Variants in VAV2 observed in about 807,000 individuals in gnomAD.
The protein encoded by VAV2 is guanine nucleotide exchange factor VAV2.
In VAV2, 67 loss-of-function variants were observed where a neutral mutation model predicts 132.5. The ratio of observed to expected loss-of-function variants is 0.51; its 90% CI spans 0.42 to 0.62. VAV2 has a LOEUF of 0.62. Among genes scored for constraint, VAV2 ranks in the 20% least tolerant of loss-of-function variants. The pLI, the probability that VAV2 is intolerant of heterozygous loss-of-function variation, is 0.00. For synonymous variants in VAV2, 492 were observed against 443.5 expected, an observed-to-expected ratio of 1.11 and a Z score of -1.37; for missense variants, 938 against 1,153.6, an observed-to-expected ratio of 0.81 and a Z score of 2.71.
At chr9:133,986,768 G>A (rs1047850948) in intron 1 of VAV2, among the ~76,000 whole-genome samples, 2 of 151,964 alleles carry the variant, frequency 1.3e-5, no homozygotes, top group African/African-American at 4.8e-5. Context: ...CTCTGCTCCC[G>A]GCAGCCCTGT....
chr9:133,944,959 G>A (rs568614226), intron 1 of VAV2, among the ~76,000 whole-genome samples: 10 of 152,336 alleles, frequency 6.6e-5, no homozygotes, highest in South Asian at 6.2e-4. Context: ...TACGCGTCTC[G>A]GTGCGCTGAC....
intron 9 of VAV2, among the ~76,000 whole-genome samples, chr9:133,801,342 G>A (rs990155467): frequency 1.3e-5 from 2 of 152,332 alleles, no homozygotes; most frequent in South Asian, 2.1e-4. Context: ...GTCACCACAG[G>A]GGCCCTGAGG....
rs1240108705 is a variant in VAV2 at position 133,802,982 on chromosome 9, C to T, written c.836+3099G>A. 6.6e-6 allele frequency among the ~76,000 whole-genome samples: 1 copy of T among 152,218 alleles called. No individual in the cohort carries two copies. Among genetic ancestry groups the T allele is most frequent in the Non-Finnish European group, 1.5e-5 (1 of 68,042 alleles). The stretch of plus-strand genomic sequence containing the variant: ...CAGAGGTTCCCAAAGGCAGCCCTGC[C>T]AGAGCAGGTGGCCAAGCCAACCCCT... On this transcript the variant is annotated intron_variant, in intron 9 of 29. Coordinates refer to ENST00000371850, the MANE Select transcript of VAV2 (RefSeq NM_001134398.2). The surrounding 1 kb of genome is among the most constrained non-coding windows in gnomAD (Gnocchi z 5.8).
rs561561791 is a variant in VAV2 at position 133,881,916 on chromosome 9, C to T, written c.322-20484G>A. On this transcript the variant is annotated intron_variant, in intron 2 of 29. Coordinates refer to ENST00000371850, the MANE Select transcript of VAV2 (RefSeq NM_001134398.2). ...AGTACGTGCTGAGAACCTGCCAGGG[C>T]GCCTGGCACAGGATCCCAGCATGAC... Among the ~76,000 whole-genome samples, 447 of 152,268 alleles carry T rather than the reference C, an allele frequency of 2.9e-3. 4 individuals carry two copies. Among genetic ancestry groups the T allele is most frequent in the Non-Finnish European group, 3.9e-3 (266 of 68,010 alleles).
At chr9:133,820,127 C>T (rs1207738975) in intron 4 of VAV2, among the ~76,000 whole-genome samples, 1 of 152,164 alleles carries the variant, frequency 6.6e-6, no homozygotes, top group Admixed American at 6.5e-5. Flanking sequence ...TAGGCAGCAG[C>T]TGCATCTGAA....
At chr9:133,959,153 T>C (rs1224292201) in intron 1 of VAV2, among the ~76,000 whole-genome samples, 1 of 152,148 alleles carries the variant, frequency 6.6e-6, no homozygotes, top group Non-Finnish European at 1.5e-5. Flanking sequence ...GGCAAATCCA[T>C]AGGCACTAGA....
chr9:133,829,286 C>A (rs910957409), intron 4 of VAV2, among the ~76,000 whole-genome samples: 3 of 152,244 alleles, frequency 2.0e-5, no homozygotes, highest in African/African-American at 7.2e-5. Context: ...CAACCAGCTG[C>A]TCTTATTATT....
chr9:133,812,177 C>T lies in VAV2; in HGVS notation c.489G>A (p.Pro163=), dbSNP rs751379406. The stretch of plus-strand genomic sequence containing the variant: ...AGATGTCGTCCCCTCCATCCTCACA[C>T]GGGACGCAGTCGTAGATGTCCTCCC... The part of the protein sequence containing the change: ...DLGEDIYDCV[P]CEDGGDDIYE... Residue 163 remains proline, a synonymous_variant, in exon 5 of 30, where the codon CCG becomes CCA. Coordinates refer to ENST00000371850, the MANE Select transcript of VAV2 (RefSeq NM_001134398.2). 6.9e-5 allele frequency: 111 copies of T among 1,613,862 alleles called. No individual in the cohort carries two copies. Among genetic ancestry groups the T allele is most frequent in the South Asian group, 1.2e-4 (11 of 91,086 alleles).
rs150501552 is a variant in VAV2 at position 133,855,489 on chromosome 9, C to T, written c.380+5885G>A. On this transcript the variant is annotated intron_variant, in intron 3 of 29. Coordinates refer to ENST00000371850, the MANE Select transcript of VAV2 (RefSeq NM_001134398.2). ...GGTTCCAGTGCTCTCCCGGCCACTG[C>T]AGGAGCAGAGGCTAAAAGGAAAGAA... 4.3e-3 allele frequency among the ~76,000 whole-genome samples: 651 copies of T among 152,334 alleles called. 2 individuals carry two copies. The highest frequency in any genetic ancestry group is 0.015 in the African/African-American group (611 of 41,564).
intron 4 of VAV2, among the ~76,000 whole-genome samples, chr9:133,827,264 C>A (rs774788034): frequency 0.29 from 4,987 of 16,962 alleles, 1,183 homozygotes; most frequent in East Asian, 0.57. Context: ...GGCATCACCA[C>A]CTACCGCTGC....
At chr9:133,929,518 A>G (rs1840601345) in intron 2 of VAV2, among the ~76,000 whole-genome samples, 1 of 152,050 alleles carries the variant, frequency 6.6e-6, no homozygotes, top group Non-Finnish European at 1.5e-5. Flanking sequence ...CCACGGGGGT[A>G]GGGGGACCCA....
intron 4 of VAV2, among the ~76,000 whole-genome samples, chr9:133,814,257 A>C (rs558017086): frequency 1.2e-4 from 19 of 152,320 alleles, no homozygotes; most frequent in Admixed American, 5.2e-4. Flanking sequence ...GCGATGACAC[A>C]AATCACCTCC....
intron 3 of VAV2, among the ~76,000 whole-genome samples, chr9:133,842,600 G>A (rs1836768643): frequency 6.6e-6 from 1 of 152,092 alleles, no homozygotes; most frequent in African/African-American, 2.4e-5. Flanking sequence ...TCCATTTATG[G>A]TGCTGACACT....
chr9:133,880,579 A>G (rs1470906119), intron 2 of VAV2, among the ~76,000 whole-genome samples: 1 of 152,132 alleles, frequency 6.6e-6, no homozygotes, highest in African/African-American at 2.4e-5. Flanking sequence ...GGACCAAGAG[A>G]TGGCCAAGTG....
At chr9:133,915,811 C>A (rs1273769698) in intron 2 of VAV2, among the ~76,000 whole-genome samples, 1 of 56,368 alleles carries the variant, frequency 1.8e-5, no homozygotes, top group Admixed American at 1.9e-4. Flanking sequence ...ACGATGCACA[C>A]ATGCACTCAC....
At chr9:133,812,055 G>A (rs1445095779) in intron 5 of VAV2, 59 bp downstream of exon 5, 4 of 1,553,308 alleles carry the variant, frequency 2.6e-6, no homozygotes, top group East Asian at 2.2e-5. Flanking sequence ...TTAAGCAAGG[G>A]CCAGGCTGCT....
In VAV2 at chr9:133,788,926, C is replaced by T. The variant is rs150630093; in HGVS notation, c.1274+332G>A. Among the ~76,000 whole-genome samples the T allele has an allele frequency of 0.02, 3,013 of 152,310 alleles. 53 individuals carry two copies. The highest frequency in any genetic ancestry group is 0.027 in the Middle Eastern group (8 of 294). On this transcript the variant is annotated intron_variant, in intron 14 of 29. Coordinates refer to ENST00000371850, the MANE Select transcript of VAV2 (RefSeq NM_001134398.2). The surrounding 1 kb of genome is among the most constrained non-coding windows in gnomAD (Gnocchi z 5.3). Reference sequence around the variant, plus strand: ...GGCCACCGTGCGCCTGGACACTCTCCGGCAGTCATTTGGCAAAGAGCCCAT... The same window carrying T: ...GGCCACCGTGCGCCTGGACACTCTCTGGCAGTCATTTGGCAAAGAGCCCAT...
chr9:133,984,782 C>T (rs1277768036), intron 1 of VAV2, among the ~76,000 whole-genome samples: 1 of 151,986 alleles, frequency 6.6e-6, no homozygotes, highest in African/African-American at 2.4e-5. Flanking sequence ...GTGGCAAAAG[C>T]CTATAGTCCC....
chr9:133,792,514 T>C (rs1834529799), intron 12 of VAV2, among the ~76,000 whole-genome samples: 2 of 135,364 alleles, frequency 1.5e-5, no homozygotes, highest in South Asian at 2.5e-4. Context: ...GTGCGTGTGA[T>C]TGGGTGTGTG....
Sources: allele counts gnomAD v4.1 joint callset (sites outside exome capture counted in the v4.1 genomes callset), GRCh38; gene constraint gnomAD v4.1.1; non-coding constraint Gnocchi (gnomAD v3.1); transcripts MANE v1.5; gene names NCBI Gene and HGNC (gene_info 2026-07-23, HGNC 2026-07-21).